C19orf38: variants seen among roughly 807,000 people sequenced by gnomAD.
The protein encoded by C19orf38 is protein HIDE1.
C19orf38 carries 14 observed loss-of-function variants against 26.6 expected under a neutral mutation model. That is an observed-to-expected ratio of 0.53 (90% confidence interval 0.35 to 0.82). C19orf38 has a LOEUF of 0.82. Among genes scored for constraint, C19orf38 ranks in the 40% least tolerant of loss-of-function variants. C19orf38 has a pLI of 0.01. For synonymous variants in C19orf38, 132 were observed against 128.5 expected (o/e 1.03, Z -0.18); for missense variants, 261 against 299.5 (o/e 0.87, Z 0.95).
intron 5 of C19orf38, among the ~76,000 whole-genome samples, chr19:10,862,355 C>T (rs1036160248): frequency 2.0e-5 from 3 of 152,054 alleles, no homozygotes; most frequent in Admixed American, 6.6e-5. Flanking sequence ...CAGGCATACA[C>T]CACCACACTC....
intron 2 of C19orf38, among the ~76,000 whole-genome samples, chr19:10,852,523 G>A (rs1481453904): frequency 6.6e-6 from 1 of 152,204 alleles, no homozygotes; most frequent in East Asian, 1.9e-4. Context: ...GGGCAATCAG[G>A]GAAGCCCTCT....
chr19:10,847,363 ACTGCTCTTT>A (rs2073526085), upstream of C19orf38, among the ~76,000 whole-genome samples: 1 of 141,940 alleles, frequency 7.0e-6, no homozygotes, highest in Non-Finnish European at 1.5e-5. Context: ...TCTAATGTCC[ACTGCTCTTT>A]TTTTTTTTTT....
At chr19:10,849,077 T>G (rs1157601068) in intron 1 of C19orf38, among the ~76,000 whole-genome samples, 1 of 152,042 alleles carries the variant, frequency 6.6e-6, no homozygotes, top group African/African-American at 2.4e-5. Context: ...TCCTCTGCCC[T>G]TCCTTCTCCT....
chr19:10,838,403 C>G (rs2073453169), intron 1 of C19orf38, among the ~76,000 whole-genome samples: 1 of 152,106 alleles, frequency 6.6e-6, no homozygotes, highest in Non-Finnish European at 1.5e-5. Flanking sequence ...GAGCAGGACT[C>G]CGTGTCAAAA....
At chr19:10,842,096 C>T (rs967316159) in intron 1 of C19orf38, 8 of 1,585,606 alleles carry the variant, frequency 5.0e-6, no homozygotes, top group South Asian at 1.1e-5. Flanking sequence ...AGCAGACTCC[C>T]GTAGGTAATG....
chr19:10,848,046 C>T (rs2073532104), upstream of C19orf38, among the ~76,000 whole-genome samples: 1 of 152,048 alleles, frequency 6.6e-6, no homozygotes, highest in South Asian at 2.1e-4. Context: ...CAAAAATTAG[C>T]TGTGCATGAT....
intron 2 of C19orf38, among the ~76,000 whole-genome samples, chr19:10,853,652 C>G (rs1364254360): frequency 6.8e-6 from 1 of 148,112 alleles, no homozygotes; most frequent in African/African-American, 2.5e-5. Flanking sequence ...TACAGTGGCA[C>G]GATCTCGGCT....
intron 1 of C19orf38, among the ~76,000 whole-genome samples, chr19:10,837,220 G>C (rs569777330): frequency 3.9e-5 from 6 of 152,164 alleles, no homozygotes; most frequent in African/African-American, 1.4e-4. Flanking sequence ...TTTGGTTCCC[G>C]TCTAAACATA....
chr19:10,852,987 G>A (rs577073813), intron 2 of C19orf38, among the ~76,000 whole-genome samples: 6 of 150,768 alleles, frequency 4.0e-5, no homozygotes, highest in East Asian at 1.9e-4. Context: ...GAGGCAGGAC[G>A]ATTCCTTGAG....
At chr19:10,845,224 A>C (rs2073507910), upstream of C19orf38, among the ~76,000 whole-genome samples, 1 of 151,996 alleles carries the variant, frequency 6.6e-6, no homozygotes, top group African/African-American at 2.4e-5. Flanking sequence ...TACTACCTTG[A>C]CCAAATTGTA....
intron 4 of C19orf38, among the ~76,000 whole-genome samples, chr19:10,859,212 C>G (rs1196363166): frequency 6.7e-6 from 1 of 149,046 alleles, no homozygotes. Context: ...GCTGGGATTA[C>G]AGGCATCAGC....
chr19:10,856,494 T>C, intron 3 of C19orf38, 137 bp downstream of exon 3: 1 of 470,008 alleles, frequency 2.1e-6, no homozygotes, highest in South Asian at 4.0e-5. Context: ...TTAAAAGTAT[T>C]TATTTATTTA....
rs749584957 is a variant in C19orf38, at chr19:10,869,376, A to C, written c.*9A>C. 6.5e-7 allele frequency: 1 copy of C among 1,545,750 alleles called. No individual in the cohort carries two copies. The highest frequency in any genetic ancestry group is 8.7e-7 in the Non-Finnish European group (1 of 1,144,586). On this transcript the variant is annotated 3_prime_UTR_variant, in exon 7 of 7. Transcript: ENST00000397820. ...TCCGGGCCTGCCAGTGAGGCTGAGGACTGGGGGACCCCTCTGTCTCCAGGC... is the reference window on the plus strand; with the variant it reads ...TCCGGGCCTGCCAGTGAGGCTGAGGCCTGGGGGACCCCTCTGTCTCCAGGC...
chr19:10,853,892 G>A (rs923441946), intron 2 of C19orf38, among the ~76,000 whole-genome samples: 1 of 150,054 alleles, frequency 6.7e-6, no homozygotes, highest in Non-Finnish European at 1.5e-5. Flanking sequence ...TACCCCGTCC[G>A]GCTAATGTTT....
chr19:10,850,749 A>C (rs1347443477), intron 2 of C19orf38, among the ~76,000 whole-genome samples, 182 bp downstream of exon 2: 3 of 152,086 alleles, frequency 2.0e-5, no homozygotes, highest in Non-Finnish European at 2.9e-5. Context: ...TGGTTCACTG[A>C]GCTTAAGTCA....
At chr19:10,841,735 G>A (rs1449593129) in intron 1 of C19orf38, 12 of 659,934 alleles carry the variant, frequency 1.8e-5, no homozygotes, top group East Asian at 1.1e-4. Context: ...CATTTTGGGC[G>A]GCCAAGTTGG....
intron 5 of C19orf38, 82 bp downstream of exon 5, chr19:10,860,040 A>G (rs776047405): frequency 1.3e-5 from 18 of 1,375,560 alleles, no homozygotes; most frequent in Non-Finnish European, 1.7e-5. Context: ...ACACCAATCA[A>G]ATTTCTTCTG....
rs140340037 is a variant in C19orf38, at chr19:10,862,146, C to T, written c.506-1024C>T. 1.6e-3 allele frequency among the ~76,000 whole-genome samples: 243 copies of T among 150,902 alleles called. 1 individual carries two copies. Among genetic ancestry groups the T allele is most frequent in the African/African-American group, 5.1e-3 (209 of 41,136 alleles). On this transcript the variant is annotated intron_variant, in intron 5 of 6. Transcript: ENST00000397820. ...CGATCTCCTGACCTCGTGATCTGCCCGCCTCAGCCTCCTAAAGTGCTGGGA... is the reference window on the plus strand; with the variant it reads ...CGATCTCCTGACCTCGTGATCTGCCTGCCTCAGCCTCCTAAAGTGCTGGGA...
At chr19:10,837,154 G>C (rs1807821380) in intron 1 of C19orf38, among the ~76,000 whole-genome samples, 1 of 152,198 alleles carries the variant, frequency 6.6e-6, no homozygotes, top group South Asian at 2.1e-4. Context: ...CTTGTTGAGT[G>C]CTTGCTTCCG....
Sources: allele counts gnomAD v4.1 joint callset (sites outside exome capture counted in the v4.1 genomes callset), GRCh38; gene constraint gnomAD v4.1.1; transcripts MANE v1.5; gene names NCBI Gene and HGNC (gene_info 2026-07-23, HGNC 2026-07-21).